The following RFC1 variants were observed in gnomAD, a reference collection of about 807,000 sequenced individuals.
RFC1 encodes the protein replication factor C subunit 1, also known as A1 140 kDa subunit.
A neutral mutation model predicts 137.4 loss-of-function variants in RFC1; 37 were observed. The ratio of observed to expected loss-of-function variants is 0.27; its 90% confidence interval spans 0.21 to 0.35. The LOEUF (loss-of-function observed/expected upper bound fraction) is 0.35. Ranked by LOEUF, RFC1 falls within the 10% of genes least tolerant of loss-of-function variation. The pLI, the probability that RFC1 is intolerant of heterozygous loss-of-function variation, is 1.00. For missense variants in RFC1, 1,205 were observed against 1,358.5 expected, an observed-to-expected ratio of 0.89 and a Z score of 1.78; for synonymous variants, 429 against 455.7, an observed-to-expected ratio of 0.94 and a Z score of 0.75.
In RFC1 at chr4:39,308,895, T is replaced by C. The variant is rs1229613405; in HGVS notation, c.1626A>G (p.Ile542Met). The C allele has an allele frequency of 2.5e-6, 4 of 1,614,216 alleles. No homozygotes were observed. The highest frequency in any genetic ancestry group is 4.5e-5 in the East Asian group (2 of 44,894). ...TCCAAAACACATCTGTTTCCTTTTT[T>C]ATTGTCTTTGCCAAACTGTCCCTTT... Reference protein sequence around the residue: ...TSKRDSLAKTIKKETDVFWKS... With the variant: ...TSKRDSLAKTMKKETDVFWKS... Residue 542 changes from isoleucine (I) to methionine (M), a missense_variant, in exon 13 of 25, where the codon ATA (isoleucine) becomes ATG (methionine). By Grantham distance (10) the Ile-to-Met change is conservative. Around this residue, in one of 3 missense-constraint regions of RFC1, gnomAD observed 962 missense variants for 1,035.3 expected, o/e 0.93. Transcript: ENST00000349703.
Position 39,345,778 on chromosome 4 carries a change from GC to G in RFC1, c.133-303del, listed in dbSNP as rs1291662958. Among the ~76,000 whole-genome samples the G allele has an allele frequency of 2.6e-5, 4 of 151,910 alleles. No homozygotes were observed. The South Asian group carries it at 8.3e-4, about 32-fold the overall frequency. On this transcript the variant is annotated intron_variant, in intron 2 of 24. Coordinates refer to ENST00000349703, the MANE Select transcript of RFC1 (RefSeq NM_002913.5). ...TAACCAGGGGGAATTTTGCATCCCC[GC>G]CCCCCAGAAGGCATTTGTCAATGTC...
At chr4:39,351,182 C>T (rs895470466) in intron 2 of RFC1, among the ~76,000 whole-genome samples, 166 bp downstream of exon 2, 3 of 133,792 alleles carry the variant, frequency 2.2e-5, no homozygotes, top group African/African-American at 8.5e-5. Context: ...ACCCAGGAGG[C>T]GGAGCTTGCA....
Position 39,291,834 on chromosome 4 carries a change from C to G in RFC1, c.2973G>C (p.Arg991Ser), listed in dbSNP as rs1024638168. ...HMSLRTYSSK[R>S]TVNMDYLSLL... ...GCGACAGATAATCCATGTTTACAGT[C>G]CTTTTGCTGGAGTAAGTTCTGAAAC... The change falls in exon 23 of 25, where the codon AGG (arginine) becomes AGC (serine). Residue 991 changes from arginine to serine, a missense_variant. Arg to Ser is a moderately radical substitution (Grantham distance 110). Around this residue, in one of 3 missense-constraint regions of RFC1, gnomAD observed 237 missense variants for 304.2 expected, o/e 0.78. Transcript: ENST00000349703. The G allele has an allele frequency of 6.2e-7, 1 of 1,613,908 alleles. No homozygotes were observed. Among genetic ancestry groups the G allele is most frequent in the Admixed American group, 1.7e-5 (1 of 60,000 alleles).
At chr4:39,340,945 T>C (rs944071431) in intron 4 of RFC1, among the ~76,000 whole-genome samples, 2 of 152,144 alleles carry the variant, frequency 1.3e-5, no homozygotes, top group African/African-American at 4.8e-5. Flanking sequence ...ATGACACAAA[T>C]ACTGCCTAAC....
intron 11 of RFC1, among the ~76,000 whole-genome samples, chr4:39,312,001 C>T (rs990718325): frequency 1.3e-5 from 2 of 152,190 alleles, no homozygotes; most frequent in African/African-American, 4.8e-5. Context: ...CGTCTTGGTT[C>T]TTCCCAACCT....
Position 39,301,910 on chromosome 4 carries a change from T to C in RFC1, c.2535+368A>G, listed in dbSNP as rs117355960. Among the ~76,000 whole-genome samples, 290 of 152,336 alleles carry C rather than the reference T, an allele frequency of 1.9e-3. No individual in the cohort carries two copies. In the East Asian group the frequency reaches 0.025, roughly 13 times the overall value. On this transcript the variant is annotated intron_variant, in intron 19 of 24. Coordinates refer to ENST00000349703, the MANE Select transcript of RFC1 (RefSeq NM_002913.5). ...ATACAACACAGAGGAAACTGATACA[T>C]ACCTCTAGTTTCAGAGAGGTCATTA...
chr4:39,353,624 G>A (rs1189628073), intron 1 of RFC1, among the ~76,000 whole-genome samples: 1 of 152,100 alleles, frequency 6.6e-6, no homozygotes, highest in Non-Finnish European at 1.5e-5. Flanking sequence ...TAATTACAGA[G>A]AATCAAGTCT....
intron 22 of RFC1, 24 bp from the exon 23 acceptor site, chr4:39,291,876 T>C (rs1560585880): frequency 7.7e-6 from 12 of 1,551,664 alleles, no homozygotes; most frequent in African/African-American, 1.4e-5. Context: ...AAAAGAGACA[T>C]AGTCAACAGC....
intron 4 of RFC1, among the ~76,000 whole-genome samples, chr4:39,338,208 GT>G (rs1433725187): frequency 1.3e-5 from 2 of 152,086 alleles, no homozygotes; most frequent in Non-Finnish European, 2.9e-5. Context: ...AATTAATGTG[GT>G]TAAATTAGTT....
intron 2 of RFC1, among the ~76,000 whole-genome samples, chr4:39,348,469 G>GAA (rs1553926657): frequency 1.5e-5 from 2 of 135,072 alleles, no homozygotes; most frequent in East Asian, 2.4e-4. Context: ...GAAAAGAAAA[G>GAA]AAAAGAAAAG....
At chr4:39,336,670 C>A (rs1156593103) in intron 4 of RFC1, among the ~76,000 whole-genome samples, 1 of 152,240 alleles carries the variant, frequency 6.6e-6, no homozygotes, top group Non-Finnish European at 1.5e-5. Flanking sequence ...CCGTAGCATC[C>A]CCTAGTTGTG....
chr4:39,326,808 A>G (rs1273402273), intron 5 of RFC1, among the ~76,000 whole-genome samples, 168 bp from the exon 6 acceptor site: 4 of 152,212 alleles, frequency 2.6e-5, no homozygotes, highest in Admixed American at 6.5e-5. Context: ...CTACTCCCTG[A>G]CCATATCCAA....
rs571849566 is a variant in RFC1 at position 39,293,901 on chromosome 4, G to A, written c.2954+1713C>T. Among the ~76,000 whole-genome samples the A allele has an allele frequency of 2.4e-3, 371 of 152,326 alleles. 1 individual carries two copies. The highest frequency in any genetic ancestry group is 2.4e-3 in the Non-Finnish European group (163 of 68,026). ...GCCAATGAGAAGAGCCATGGGGAAA[G>A]CAGACTTTCCAGCTTCTGGAGGCCA... is the stretch of plus-strand genomic sequence containing the variant. On this transcript the variant is annotated intron_variant, in intron 22 of 24. Transcript: ENST00000349703.
At chr4:39,354,163 A>G (rs1442259942) in intron 1 of RFC1, among the ~76,000 whole-genome samples, 2 of 152,216 alleles carry the variant, frequency 1.3e-5, no homozygotes, top group Non-Finnish European at 2.9e-5. Context: ...CAGCATCGTA[A>G]CCTAACTCAG....
At chr4:39,351,205 T>C (rs951032836) in intron 2 of RFC1, 143 bp downstream of exon 2, 3 of 426,560 alleles carry the variant, frequency 7.0e-6, no homozygotes, top group Non-Finnish European at 1.0e-5. Flanking sequence ...CTGCCGAGAT[T>C]GCACCACTGC....
Position 39,317,163 on chromosome 4 carries a change from T to C in RFC1, c.1096-141A>G, listed in dbSNP as rs922597212. 4 of 583,728 alleles carry C rather than the reference T, an allele frequency of 6.9e-6. No individual in the cohort carries two copies. The African/African-American group carries it at 7.5e-5, about 11-fold the overall frequency. 36.2% of individuals were successfully genotyped at this position (583,728 alleles called of 1,614,324 possible). On this transcript the variant is annotated intron_variant, in intron 9 of 24. Coordinates refer to ENST00000349703, the MANE Select transcript of RFC1 (RefSeq NM_002913.5). The stretch of plus-strand genomic sequence containing the variant: ...AAATTAACAGTTTTAGCTACACAAG[T>C]ACTTCCTAACTTACAGACAACTGAC...
intron 1 of RFC1, chr4:39,365,406 A>G (rs1322564893): frequency 2.2e-6 from 2 of 923,314 alleles, no homozygotes; most frequent in Non-Finnish European, 1.3e-6. Flanking sequence ...CTTAATGAAC[A>G]TTTTAAATGG....
At position 39,302,551 on chromosome 4, in the gene RFC1, G is replaced by A; in HGVS notation, c.2385C>T (p.Pro795=). The A allele has an allele frequency of 6.2e-7, 1 of 1,611,758 alleles. No individual in the cohort carries two copies. Among genetic ancestry groups the A allele is most frequent in the Non-Finnish European group, 8.5e-7 (1 of 1,178,442 alleles). ...AAATTATTTCATTCATAGCTGGAGG[G>A]GGAATCTTTAAACCTTCTTTAAATG... ...SIAFKEGLKI[P]PPAMNEIILG... The change falls in exon 18 of 25, where the codon CCC becomes CCT. Residue 795 remains proline (P), a synonymous_variant. Coordinates refer to ENST00000349703, the MANE Select transcript of RFC1 (RefSeq NM_002913.5).
At chr4:39,295,789 T>C (rs1737956273) in intron 21 of RFC1, 30 bp from the exon 22 acceptor site, 1 of 1,596,666 alleles carries the variant, frequency 6.3e-7, no homozygotes, top group Non-Finnish European at 8.5e-7. Flanking sequence ...AGTCCAGAAT[T>C]TATGTTCCGT....
Sources: allele counts gnomAD v4.1 joint callset (sites outside exome capture counted in the v4.1 genomes callset), GRCh38; gene constraint gnomAD v4.1.1; regional missense constraint gnomAD v4.1.1; transcripts MANE v1.5; gene names NCBI Gene and HGNC (gene_info 2026-07-23, HGNC 2026-07-21).